MGA: variants seen among roughly 807,000 people sequenced by gnomAD.
MGA encodes the protein MAX gene-associated protein.
A neutral mutation model predicts 261.1 loss-of-function variants in MGA; 40 were observed. That is an observed-to-expected ratio of 0.15 (90% CI 0.12 to 0.20). The LOEUF (loss-of-function observed/expected upper bound fraction) is 0.20, where lower values mean the gene tolerates loss of function less well. Ranked by LOEUF, MGA falls within the 10% of genes least tolerant of loss-of-function variation. The pLI, the probability that MGA is intolerant of heterozygous loss-of-function variation, is 1.00. For missense variants in MGA, 3,397 were observed against 3,630.5 expected, an observed-to-expected ratio of 0.94 and a Z score of 1.65; for synonymous variants, 1,302 against 1,290.6, an observed-to-expected ratio of 1.01 and a Z score of -0.19.
At chr15:41,673,872 C>T (rs1191811097) in intron 2 of MGA, among the ~76,000 whole-genome samples, 2 of 152,042 alleles carry the variant, frequency 1.3e-5, no homozygotes, top group East Asian at 3.9e-4. Flanking sequence ...ATGACTTTGA[C>T]CTCTTCTCCC....
intron 1 of MGA, among the ~76,000 whole-genome samples, chr15:41,646,684 T>C (rs2056940122): frequency 6.6e-6 from 1 of 151,746 alleles, no homozygotes; most frequent in Non-Finnish European, 1.5e-5. Flanking sequence ...TACTCCAGCC[T>C]GGGCAACAGA....
In MGA at chr15:41,750,547, G is replaced by T; in HGVS notation, c.6940G>T (p.Asp2314Tyr). Residue 2314 changes from aspartate (D) to tyrosine (Y), a missense_variant, in exon 17 of 24, where the codon GAT (aspartate) becomes TAT (tyrosine). This residue lies in a region of MGA where 1,410 missense variants were observed against 1,386.4 expected (regional missense o/e 1.02). Transcript: ENST00000219905. ...TGAAGATGATAATGAGAAAACTGATGATTCTATTGATGAAATTGTGGATGT... is the reference window on the plus strand; with the variant it reads ...TGAAGATGATAATGAGAAAACTGATTATTCTATTGATGAAATTGTGGATGT... The T allele has an allele frequency of 6.2e-7, 1 of 1,612,508 alleles. No homozygotes were observed. The highest frequency in any genetic ancestry group is 2.2e-5 in the East Asian group (1 of 44,850).
intron 13 of MGA, 43 bp downstream of exon 13, chr15:41,736,741 C>T (rs1055309116): frequency 6.7e-7 from 1 of 1,495,172 alleles, no homozygotes. Context: ...TTTGTATACA[C>T]CTAGGTAGTA....
rs779965219 is a variant in MGA at position 41,740,104 on chromosome 15, C to A, written c.4486C>A (p.Pro1496Thr). 1.2e-6 allele frequency: 2 copies of A among 1,614,014 alleles called. No homozygotes were observed. Among genetic ancestry groups the A allele is most frequent in the East Asian group, 2.2e-5 (1 of 44,882 alleles). The change falls in exon 14 of 24, where the codon CCT (proline) becomes ACT (threonine). Residue 1496 changes from proline to threonine, a missense_variant. Around this residue, in one of 9 missense-constraint regions of MGA, gnomAD observed 1,410 missense variants for 1,386.4 expected, o/e 1.02. Coordinates refer to ENST00000219905, the MANE Select transcript of MGA (RefSeq NM_001164273.2). ...ATCCAGGAAACCACGTACCCTGTTGCCTTCAACATCCAATTCCAAAATGGC... is the reference window on the plus strand; with the variant it reads ...ATCCAGGAAACCACGTACCCTGTTGACTTCAACATCCAATTCCAAAATGGC...
At chr15:41,721,798 C>A (rs968562613) in intron 9 of MGA, among the ~76,000 whole-genome samples, 2 of 152,168 alleles carry the variant, frequency 1.3e-5, no homozygotes, top group African/African-American at 4.8e-5. Flanking sequence ...AATAGTTGGG[C>A]AGTATCTACT....
intron 2 of MGA, among the ~76,000 whole-genome samples, chr15:41,693,942 C>A (rs1237143683): frequency 6.6e-6 from 1 of 151,780 alleles, no homozygotes; most frequent in East Asian, 1.9e-4. Context: ...TGATTTTGCC[C>A]CTCAAATCAC....
intron 18 of MGA, among the ~76,000 whole-genome samples, chr15:41,755,299 C>G (rs2151955060): frequency 6.6e-6 from 1 of 152,258 alleles, no homozygotes; most frequent in Non-Finnish European, 1.5e-5. Context: ...ATTCTTCGTT[C>G]CTACTGATGC....
intron 1 of MGA, among the ~76,000 whole-genome samples, chr15:41,650,168 C>T (rs2057013045): frequency 6.6e-6 from 1 of 152,126 alleles, no homozygotes; most frequent in Non-Finnish European, 1.5e-5. Context: ...TAATAGTTGT[C>T]TGATAATTGA....
At chr15:41,688,021 A>G (rs1036052729) in intron 2 of MGA, among the ~76,000 whole-genome samples, 11 of 152,064 alleles carry the variant, frequency 7.2e-5, no homozygotes, top group African/African-American at 2.7e-4. Context: ...AGGGTTGTTT[A>G]TGTTTTCTTG....
At chr15:41,681,938 ATGGAGTTTTGCTCTTATTGCCCAGGC>A in intron 2 of MGA, among the ~76,000 whole-genome samples, 1 of 151,424 alleles carries the variant, frequency 6.6e-6, no homozygotes, top group South Asian at 2.1e-4. Flanking sequence ...TTTTTCCGAG[ATGGAGTTTTGCTCTTATTGCCCAGGC>A]TGGAGTGCAA....
chr15:41,667,776 T>A (rs2057835855), intron 1 of MGA, among the ~76,000 whole-genome samples: 1 of 152,076 alleles, frequency 6.6e-6, no homozygotes, highest in Non-Finnish European at 1.5e-5. Flanking sequence ...TTTGCCAGAT[T>A]AAAAAATTTA....
At chr15:41,762,024 C>T (rs2063487896) in intron 21 of MGA, 105 bp from the exon 22 acceptor site, 1 of 1,080,318 alleles carries the variant, frequency 9.3e-7, no homozygotes, top group Non-Finnish European at 1.3e-6. Flanking sequence ...ACCTTACTTT[C>T]CATAGTTTTT....
At chr15:41,765,958 C>T (rs1310457762) in intron 23 of MGA, 46 bp from the exon 24 acceptor site, 1 of 1,499,746 alleles carries the variant, frequency 6.7e-7, no homozygotes, top group East Asian at 2.3e-5. Flanking sequence ...GAGGTGTTAA[C>T]ACTAGATCTA....
At chr15:41,743,393 A>T (rs900941189) in intron 15 of MGA, among the ~76,000 whole-genome samples, 4 of 152,274 alleles carry the variant, frequency 2.6e-5, no homozygotes, top group Non-Finnish European at 5.9e-5. Flanking sequence ...CTGAAAATAT[A>T]TGCAGTTTTA....
At chr15:41,671,767 C>T (rs930736050) in intron 2 of MGA, among the ~76,000 whole-genome samples, 10 of 152,178 alleles carry the variant, frequency 6.6e-5, no homozygotes, top group African/African-American at 2.2e-4. Context: ...TTGGAATCTC[C>T]GTGCTCATGA....
chr15:41,684,386 T>G (rs993936185), intron 2 of MGA: 11 of 453,704 alleles, frequency 2.4e-5, no homozygotes, highest in Non-Finnish European at 4.9e-5. Context: ...TTCATTGATT[T>G]TGCCTAGGTA....
In MGA at chr15:41,750,542, C is replaced by G. The variant is rs781268667; in HGVS notation, c.6935C>G (p.Thr2312Ser). 1.2e-6 allele frequency: 2 copies of G among 1,612,612 alleles called. No individual in the cohort carries two copies. The highest frequency in any genetic ancestry group is 2.2e-5 in the South Asian group (2 of 90,896). ...GATGATGAAGATGATAATGAGAAAACTGATGATTCTATTGATGAAATTGTG... is the reference window on the plus strand; with the variant it reads ...GATGATGAAGATGATAATGAGAAAAGTGATGATTCTATTGATGAAATTGTG... Residue 2312 changes from threonine to serine, a missense_variant, in exon 17 of 24, where the codon ACT becomes AGT. By Grantham distance (58) the Thr-to-Ser change is moderately conservative. Coordinates refer to ENST00000219905, the MANE Select transcript of MGA (RefSeq NM_001164273.2).
At chr15:41,760,002 G>C (rs1357374682) in intron 19 of MGA, 1 of 223,818 alleles carries the variant, frequency 4.5e-6, no homozygotes, top group African/African-American at 2.2e-5. Context: ...ACAAGTTTTA[G>C]TAATACAATA....
intron 15 of MGA, among the ~76,000 whole-genome samples, chr15:41,746,311 A>G (rs901201531): frequency 6.6e-6 from 1 of 152,034 alleles, no homozygotes; most frequent in South Asian, 2.1e-4. Flanking sequence ...GAGGCTGAGG[A>G]GGATGGATCA....
Sources: gnomAD v4.1 joint callset for allele counts (sites outside exome capture counted in the v4.1 genomes callset) on GRCh38, gnomAD v4.1.1 for gene constraint, gnomAD v4.1.1 regional missense constraint, MANE v1.5 for transcripts, NCBI Gene and HGNC (gene_info 2026-07-23, HGNC 2026-07-21) for gene names.